Variants in MUSK observed in about 807,000 individuals in gnomAD.
The protein encoded by MUSK is muscle, skeletal receptor tyrosine-protein kinase.
Under a neutral mutation model 88.7 loss-of-function variants are expected in MUSK, and 55 were observed. The ratio of observed to expected loss-of-function variants is 0.62; its 90% CI spans 0.50 to 0.78. The LOEUF (loss-of-function observed/expected upper bound fraction) is 0.78, where lower values mean the gene tolerates loss of function less well. Ranked by LOEUF, MUSK falls within the 30% of genes least tolerant of loss-of-function variation. The probability of loss-of-function intolerance (pLI) is 0.00; values close to 1 mark genes in which losing one functional copy is unlikely to be tolerated. For missense variants in MUSK, 1,015 were observed against 1,074.3 expected (o/e 0.94, Z 0.77); for synonymous variants, 387 against 391.9 (o/e 0.99, Z 0.15).
intron 5 of MUSK, among the ~76,000 whole-genome samples, chr9:110,702,753 T>C (rs2076547499): frequency 6.6e-6 from 1 of 151,888 alleles, no homozygotes; most frequent in South Asian, 2.1e-4. Context: ...ATTAGCCAGG[T>C]GTGGTGGTAC....
chr9:110,757,623 C>T (rs7871435), intron 7 of MUSK, among the ~76,000 whole-genome samples: 7,320 of 150,620 alleles, frequency 0.049, 638 homozygotes, highest in African/African-American at 0.17. Context: ...ATTTTGAACA[C>T]TTGCATTATT....
chr9:110,714,986 A>G (rs1242076828), intron 5 of MUSK, among the ~76,000 whole-genome samples: 2 of 139,330 alleles, frequency 1.4e-5, no homozygotes, highest in African/African-American at 6.3e-5. Flanking sequence ...TCTCTGTCTC[A>G]AATAATTCAG....
intron 1 of MUSK, among the ~76,000 whole-genome samples, chr9:110,681,060 TA>T (rs376519332): frequency 1.3e-4 from 3 of 23,348 alleles, no homozygotes; most frequent in African/African-American, 6.3e-4. Flanking sequence ...TTATATATTA[TA>T]TATATAATAT....
At chr9:110,746,718 C>T (rs2077178471) in intron 6 of MUSK, among the ~76,000 whole-genome samples, 2 of 152,146 alleles carry the variant, frequency 1.3e-5, no homozygotes, top group Admixed American at 6.5e-5. Context: ...TATTTCAACA[C>T]CTGGATGAAG....
intron 5 of MUSK, 104 bp from the exon 6 acceptor site, chr9:110,734,147 A>C (rs1381471082): frequency 7.7e-7 from 1 of 1,301,302 alleles, no homozygotes; most frequent in Admixed American, 2.2e-5. Flanking sequence ...AACACTGAAG[A>C]ACTGCACACA....
At chr9:110,741,727 A>G (rs752335496) in intron 6 of MUSK, among the ~76,000 whole-genome samples, 4 of 152,118 alleles carry the variant, frequency 2.6e-5, no homozygotes, top group Admixed American at 6.5e-5. Flanking sequence ...TTATCTGTCT[A>G]TCCTACATCC....
chr9:110,775,679 G>C (rs879592187), intron 9 of MUSK, 109 bp from the exon 10 acceptor site: 10 of 1,066,772 alleles, frequency 9.4e-6, no homozygotes, highest in African/African-American at 1.6e-5. Flanking sequence ...CTTTTTTCAA[G>C]AACAATTTAC....
At chr9:110,739,012 A>G (rs2077062515) in intron 6 of MUSK, among the ~76,000 whole-genome samples, 1 of 152,072 alleles carries the variant, frequency 6.6e-6, no homozygotes, top group Non-Finnish European at 1.5e-5. Context: ...TCTTCTATAA[A>G]ACCTTTTTAT....
chr9:110,754,935 C>T (rs2131898895), intron 7 of MUSK, among the ~76,000 whole-genome samples: 1 of 152,290 alleles, frequency 6.6e-6, no homozygotes, highest in South Asian at 2.1e-4. Flanking sequence ...TTTAAATTCT[C>T]TCTAATTTAT....
At chr9:110,799,534 T>G (rs1055891405) in intron 14 of MUSK, among the ~76,000 whole-genome samples, 2 of 152,220 alleles carry the variant, frequency 1.3e-5, no homozygotes, top group Non-Finnish European at 2.9e-5. Flanking sequence ...TGATACATCT[T>G]TCTTATTAAC....
At chr9:110,760,910 C>T (rs942686716) in intron 7 of MUSK, among the ~76,000 whole-genome samples, 3 of 152,036 alleles carry the variant, frequency 2.0e-5, no homozygotes, top group Non-Finnish European at 4.4e-5. Context: ...ATGTTACAGC[C>T]CTTAAAAATC....
At chr9:110,680,598 C>T (rs1203746237) in intron 1 of MUSK, among the ~76,000 whole-genome samples, 4 of 151,764 alleles carry the variant, frequency 2.6e-5, no homozygotes, top group Admixed American at 6.6e-5. Flanking sequence ...GTTAGCCAGG[C>T]TGGTCTTGAA....
At chr9:110,739,492 C>T (rs2077071017) in intron 6 of MUSK, among the ~76,000 whole-genome samples, 5 of 152,148 alleles carry the variant, frequency 3.3e-5, no homozygotes, top group South Asian at 4.1e-4. Context: ...ACTAATACAA[C>T]GTGGCCTAGG....
intron 7 of MUSK, among the ~76,000 whole-genome samples, chr9:110,760,188 G>A (rs965793762): frequency 4.6e-5 from 7 of 152,066 alleles, no homozygotes; most frequent in Non-Finnish European, 8.8e-5. Context: ...ACTACCATTC[G>A]ACCCAGCAAT....
chr9:110,681,120 T>TATATA (rs1554732462), intron 1 of MUSK, among the ~76,000 whole-genome samples: 1 of 41,178 alleles, frequency 2.4e-5, no homozygotes, highest in Non-Finnish European at 4.7e-5. Flanking sequence ...ATATATAATA[T>TATATA]ATATTATATA....
chr9:110,681,025 T>TATAAG, intron 1 of MUSK, among the ~76,000 whole-genome samples: 1 of 25,766 alleles, frequency 3.9e-5, no homozygotes, highest in South Asian at 6.3e-4. Context: ...ATATATATTA[T>TATAAG]ATATTATATA....
At chr9:110,758,520 T>G (rs931321348) in intron 7 of MUSK, among the ~76,000 whole-genome samples, 1 of 152,150 alleles carries the variant, frequency 6.6e-6, no homozygotes, top group Non-Finnish European at 1.5e-5. Flanking sequence ...AAGACAAGGA[T>G]GCCCACTCTC....
intron 8 of MUSK, among the ~76,000 whole-genome samples, chr9:110,764,603 T>TTAGATAGATAGA (rs57464436): frequency 6.6e-4 from 99 of 149,118 alleles, no homozygotes; most frequent in Middle Eastern, 3.5e-3. Context: ...GATAGATAGA[T>TTAGATAGATAGA]TAGATAGATA....
intron 1 of MUSK, among the ~76,000 whole-genome samples, chr9:110,673,879 A>G (rs1246808878): frequency 6.6e-6 from 1 of 152,182 alleles, no homozygotes. Context: ...CTATTAACAC[A>G]TTGGCATATT....
Sources: allele counts gnomAD v4.1 joint callset (sites outside exome capture counted in the v4.1 genomes callset), GRCh38; gene constraint gnomAD v4.1.1; transcripts MANE v1.5; gene names NCBI Gene and HGNC (gene_info 2026-07-23, HGNC 2026-07-21).